Variants in TEKT1 observed in about 807,000 individuals in gnomAD.
TEKT1 encodes the protein tektin-1.
Under a neutral mutation model 34.8 loss-of-function variants are expected in TEKT1, and 32 were observed. The observed-to-expected ratio is 0.92, with a 90% CI of 0.69 to 1.23. The LOEUF (loss-of-function observed/expected upper bound fraction) is 1.23, where lower values mean the gene tolerates loss of function less well. TEKT1 is among the 50% of genes most tolerant of loss of function. The pLI, the probability that TEKT1 is intolerant of heterozygous loss-of-function variation, is 0.00. For synonymous variants in TEKT1, 207 were observed against 199.8 expected (o/e 1.04, Z -0.30); for missense variants, 492 against 518.5 (o/e 0.95, Z 0.50).
chr17:6,800,159 C>A lies in TEKT1; in HGVS notation c.1125G>T (p.Glu375Asp). 2 of 1,614,220 alleles carry A rather than the reference C, an allele frequency of 1.2e-6. No homozygotes were observed. The highest frequency in any genetic ancestry group is 1.1e-5 in the South Asian group (1 of 91,090). Residue 375 changes from glutamate (E) to aspartate (D), a missense_variant, in exon 8 of 8, where the codon GAG becomes GAT. By Grantham distance (45) the Glu-to-Asp change is conservative (BLOSUM62 2). Coordinates refer to ENST00000338694, the MANE Select transcript of TEKT1 (RefSeq NM_053285.2). ...LHRRQLALQE[E>D]IQVKENTIYI... is the part of the protein sequence containing the mutation. ...AAATGGTGTTCTCTTTGACCTGGAT[C>A]TCCTCCTGCAGGGCAAGCTGTCTGC...
intron 2 of TEKT1, among the ~76,000 whole-genome samples, chr17:6,826,696 A>ATTTT (rs1347403207): frequency 2.8e-5 from 4 of 144,596 alleles, no homozygotes; most frequent in African/African-American, 1.1e-4. Context: ...TGGGATTATT[A>ATTTT]TTATTTTTTT....
rs1904525789 is a variant in TEKT1 at position 6,830,011 on chromosome 17, T to C, written c.190+176A>G. Among the ~76,000 whole-genome samples the C allele has an allele frequency of 3.9e-5, 6 of 152,200 alleles. No homozygotes were observed. The South Asian group carries it at 1.2e-3, about 32-fold the overall frequency. ...AATGATGGGTGGCTGAAAATCAGGC[T>C]GGGTTACCTTGTGTCTATCTTAGGG... On this transcript the variant is annotated intron_variant, in intron 2 of 7. Transcript: ENST00000338694.
intron 5 of TEKT1, chr17:6,814,858 A>C: frequency 8.4e-6 from 2 of 238,332 alleles, no homozygotes; most frequent in Non-Finnish European, 8.1e-6. Context: ...GGGGGGGGGA[A>C]ATTCACTTGC....
chr17:6,802,037 C>A (rs920053502), intron 6 of TEKT1, among the ~76,000 whole-genome samples: 12 of 152,092 alleles, frequency 7.9e-5, no homozygotes, highest in African/African-American at 2.9e-4. Flanking sequence ...GCATAGGATT[C>A]TTTATTTTCT....
At chr17:6,817,101 C>T (rs1305940234) in intron 3 of TEKT1, among the ~76,000 whole-genome samples, 2 of 152,132 alleles carry the variant, frequency 1.3e-5, no homozygotes, top group African/African-American at 4.8e-5. Context: ...TTAGGGTGGG[C>T]GCAGTGACTC....
chr17:6,816,109 A>T (rs2098492694), intron 3 of TEKT1, 147 bp from the exon 4 acceptor site: 2 of 1,147,576 alleles, frequency 1.7e-6, no homozygotes, highest in African/African-American at 3.1e-5. Context: ...GACAGATATT[A>T]GTTGGTGTCT....
chr17:6,827,949 C>CTTTTTTTTTTTTTTTT (rs1392072130), intron 2 of TEKT1, among the ~76,000 whole-genome samples: 25 of 148,642 alleles, frequency 1.7e-4, no homozygotes, highest in East Asian at 3.9e-4. Context: ...GATTTCTCTT[C>CTTTTTTTTTTTTTTTT]TTTTTTTTGT....
intron 6 of TEKT1, among the ~76,000 whole-genome samples, chr17:6,802,552 T>C (rs1027054900): frequency 6.6e-6 from 1 of 152,166 alleles, no homozygotes; most frequent in African/African-American, 2.4e-5. Flanking sequence ...TACATATGTA[T>C]ACATGTGCCA....
At chr17:6,808,645 C>T (rs1284372804) in intron 6 of TEKT1, among the ~76,000 whole-genome samples, 22 of 152,106 alleles carry the variant, frequency 1.4e-4, no homozygotes, top group Non-Finnish European at 4.4e-5. Flanking sequence ...ATAAGACCTT[C>T]TGGAGTTCTT....
At chr17:6,823,624 T>C (rs539710831) in intron 2 of TEKT1, among the ~76,000 whole-genome samples, 1 of 152,254 alleles carries the variant, frequency 6.6e-6, no homozygotes, top group East Asian at 1.9e-4. Context: ...CATCTTCCCA[T>C]TGACACCTTG....
At position 6,813,946 on chromosome 17, in the gene TEKT1, T is replaced by TTCTCTCTCTCTCTCTCTC. The variant is rs71157224; in HGVS notation, c.630-911_630-894dup. ...AAAAGACTGTGGCTTCTGTCATCCG[T>TTCTCTCTCTCTCTCTCTC]TCTCTCTCTCTCTCTCTCTCTCTCT... On this transcript the variant is annotated intron_variant, in intron 5 of 7. Coordinates refer to ENST00000338694, the MANE Select transcript of TEKT1 (RefSeq NM_053285.2). Among the ~76,000 whole-genome samples, 247 of 145,938 alleles carry TTCTCTCTCTCTCTCTCTC rather than the reference T, an allele frequency of 1.7e-3. 4 individuals carry two copies. Among genetic ancestry groups the TTCTCTCTCTCTCTCTCTC allele is most frequent in the African/African-American group, 5.7e-3 (223 of 39,162 alleles).
chr17:6,828,461 AAATT>A (rs1904473908), intron 2 of TEKT1, among the ~76,000 whole-genome samples: 1 of 152,218 alleles, frequency 6.6e-6, no homozygotes, highest in Non-Finnish European at 1.5e-5. Context: ...TGTTATAAAT[AAATT>A]AAGTCAGTTA....
At chr17:6,807,012 C>G (rs948382729) in intron 6 of TEKT1, among the ~76,000 whole-genome samples, 34 of 152,272 alleles carry the variant, frequency 2.2e-4, no homozygotes, top group Non-Finnish European at 3.8e-4. Flanking sequence ...TGAATGTTGG[C>G]CTGCCTTGCT....
intron 5 of TEKT1, among the ~76,000 whole-genome samples, chr17:6,814,565 G>A (rs1158830069): frequency 5.9e-5 from 9 of 152,250 alleles, no homozygotes; most frequent in Non-Finnish European, 1.2e-4. Flanking sequence ...GAGGCCAGGG[G>A]CGGTGGCTCA....
intron 2 of TEKT1, among the ~76,000 whole-genome samples, chr17:6,824,747 A>G (rs1313392766): frequency 6.6e-6 from 1 of 152,242 alleles, no homozygotes; most frequent in East Asian, 1.9e-4. Flanking sequence ...TGAAGAGTGA[A>G]TGAATTAATG....
chr17:6,808,488 C>T (rs567355059), intron 6 of TEKT1, among the ~76,000 whole-genome samples: 20 of 152,244 alleles, frequency 1.3e-4, no homozygotes, highest in South Asian at 6.2e-4. Flanking sequence ...ACCCACTTTC[C>T]GACACTCCCC....
chr17:6,830,985 T>A (rs1222829169), intron 1 of TEKT1, among the ~76,000 whole-genome samples: 2 of 150,364 alleles, frequency 1.3e-5, no homozygotes, highest in Non-Finnish European at 2.9e-5. Flanking sequence ...AGCCCAGAGA[T>A]GTTTTCTTAA....
chr17:6,826,974 T>C (rs1277938885), intron 2 of TEKT1, among the ~76,000 whole-genome samples: 2 of 152,062 alleles, frequency 1.3e-5, no homozygotes, highest in African/African-American at 4.8e-5. Flanking sequence ...TGATTACAGG[T>C]GTAAGCCACG....
rs114276858 is a variant in TEKT1, at chr17:6,823,592, C to T, written c.191-4234G>A. Reference sequence around the variant, plus strand: ...AAGGAAGAGAAGACAAATGCATGTGCTTAATCCACCATGTAGATGGGCATC... The same window carrying T: ...AAGGAAGAGAAGACAAATGCATGTGTTTAATCCACCATGTAGATGGGCATC... On this transcript the variant is annotated intron_variant, in intron 2 of 7. Transcript: ENST00000338694. Among the ~76,000 whole-genome samples the T allele has an allele frequency of 2.8e-3, 421 of 152,244 alleles. 4 individuals carry two copies. The highest frequency in any genetic ancestry group is 9.7e-3 in the African/African-American group (402 of 41,556).
Sources: allele counts gnomAD v4.1 joint callset (sites outside exome capture counted in the v4.1 genomes callset), GRCh38; gene constraint gnomAD v4.1.1; transcripts MANE v1.5; gene names NCBI Gene and HGNC (gene_info 2026-07-23, HGNC 2026-07-21).